FAM169A: variants seen among roughly 807,000 people sequenced by gnomAD.
The protein encoded by FAM169A is family with sequence similarity 169 member A.
In FAM169A, 24 loss-of-function variants were observed where a neutral mutation model predicts 75.7. That is an observed-to-expected ratio of 0.32 (90% confidence interval 0.23 to 0.45). The LOEUF (loss-of-function observed/expected upper bound fraction) is 0.45, where lower values mean the gene tolerates loss of function less well. Among genes scored for constraint, FAM169A ranks in the 20% least tolerant of loss-of-function variants. The pLI, the probability that FAM169A is intolerant of heterozygous loss-of-function variation, is 1.00. For synonymous variants in FAM169A, 271 were observed against 271.0 expected (o/e 1.00, Z 0.00); for missense variants, 673 against 784.0 (o/e 0.86, Z 1.69).
rs1046445541 is a variant in FAM169A at position 74,836,435 on chromosome 5, A to G, written c.319-1838T>C. On this transcript the variant is annotated intron_variant, in intron 4 of 12. Transcript: ENST00000687041. ...GACAAAATGAAGGACACAATGGACAAAGTCTTGCAGCATACTACTGAGGAC... is the reference window on the plus strand; with the variant it reads ...GACAAAATGAAGGACACAATGGACAGAGTCTTGCAGCATACTACTGAGGAC... Among the ~76,000 whole-genome samples, 3 of 152,312 alleles carry G rather than the reference A, an allele frequency of 2.0e-5. No homozygotes were observed. In the South Asian group the frequency reaches 6.2e-4, roughly 32 times the overall value.
intron 1 of FAM169A, among the ~76,000 whole-genome samples, chr5:74,855,429 C>T (rs934720664): frequency 1.3e-5 from 2 of 152,140 alleles, no homozygotes; most frequent in African/African-American, 4.8e-5. Flanking sequence ...AATTCCTGAG[C>T]TCGAGCAATC....
chr5:74,834,095 G>A (rs1375526271), intron 5 of FAM169A, among the ~76,000 whole-genome samples: 1 of 152,138 alleles, frequency 6.6e-6, no homozygotes, highest in Admixed American at 6.6e-5. Context: ...AACAGTAACA[G>A]CAACAGGAAT....
chr5:74,813,978 G>A lies in FAM169A; in HGVS notation c.532C>T (p.Pro178Ser). The change falls in exon 6 of 13, where the codon CCA becomes TCA. Residue 178 changes from proline to serine, a missense_variant. By Grantham distance (74) the Pro-to-Ser change is moderately conservative. Around this residue, in one of 3 missense-constraint regions of FAM169A, gnomAD observed 107 missense variants for 180.8 expected, o/e 0.59. Transcript: ENST00000687041. ...CTTAGAAACATTGTATCAAGAACTG[G>A]CAATTGGTAACTTTGGGTAAGAAAA... ...ASFLTQSYQLPVLDTMFLRKK... is the reference protein window; with the variant it reads ...ASFLTQSYQLSVLDTMFLRKK... The A allele has an allele frequency of 6.3e-7, 1 of 1,597,144 alleles. No homozygotes were observed. Among genetic ancestry groups the A allele is most frequent in the Non-Finnish European group, 8.5e-7 (1 of 1,174,990 alleles).
intron 1 of FAM169A, among the ~76,000 whole-genome samples, chr5:74,857,565 G>T (rs1312010303): frequency 2.2e-5 from 2 of 91,640 alleles, no homozygotes; most frequent in African/African-American, 9.5e-5. Flanking sequence ...GCCAGACCTT[G>T]CCGCGGGAAA....
intron 7 of FAM169A, 83 bp downstream of exon 7, chr5:74,805,073 T>C: frequency 8.2e-7 from 1 of 1,223,462 alleles, no homozygotes; most frequent in Non-Finnish European, 1.2e-6. Flanking sequence ...CCTCTGCTTT[T>C]TAAACTGGAC....
intron 1 of FAM169A, among the ~76,000 whole-genome samples, chr5:74,864,336 T>C (rs1750196858): frequency 6.6e-6 from 1 of 152,210 alleles, no homozygotes; most frequent in African/African-American, 2.4e-5. Context: ...GTTCAAGTGA[T>C]TCTTGTGCCT....
chr5:74,851,277 A>G (rs976037882), intron 1 of FAM169A, among the ~76,000 whole-genome samples: 12 of 152,186 alleles, frequency 7.9e-5, no homozygotes, highest in Non-Finnish European at 1.5e-4. Flanking sequence ...TCTCTTGGAT[A>G]CGGCCTATCT....
intron 6 of FAM169A, among the ~76,000 whole-genome samples, chr5:74,807,332 A>AC (rs1397797366): frequency 1.3e-5 from 2 of 152,212 alleles, no homozygotes; most frequent in Non-Finnish European, 2.9e-5. Flanking sequence ...TGAATATTTC[A>AC]CATACTTTAT....
rs771844817 is a variant in FAM169A, at chr5:74,783,146, GGA to G, written c.1261-14_1261-13del. The G allele has an allele frequency of 1.6e-5, 25 of 1,584,854 alleles. No homozygotes were observed. Among genetic ancestry groups the G allele is most frequent in the Admixed American group, 5.2e-5 (3 of 57,194 alleles). On this transcript the variant is annotated splice_polypyrimidine_tract_variant and intron_variant, in intron 11 of 12. Transcript: ENST00000687041. ...TCTAATTCAGATTCCTACACCATGA[GGA>G]GAGAGGGAAAAAGTAAGGACATGAT... is the stretch of plus-strand genomic sequence containing the variant.
At chr5:74,865,043 CCCTCCAGGGCCCAAATG>C (rs1750242950) in intron 1 of FAM169A, among the ~76,000 whole-genome samples, 1 of 152,186 alleles carries the variant, frequency 6.6e-6, no homozygotes, top group Admixed American at 6.5e-5. Context: ...TCGGTGAATT[CCCTCCAGGGCCCAAATG>C]TGTGCATTAT....
intron 5 of FAM169A, among the ~76,000 whole-genome samples, chr5:74,818,803 C>CTCTCTCTCTCTCTATA: frequency 8.2e-6 from 1 of 121,658 alleles, no homozygotes; most frequent in South Asian, 2.7e-4. Context: ...CTCTCTCTCT[C>CTCTCTCTCTCTCTATA]TATATATATA....
chr5:74,840,600 C>T lies in FAM169A; in HGVS notation c.133-427G>A, dbSNP rs377457168. Among the ~76,000 whole-genome samples, 67 of 150,672 alleles carry T rather than the reference C, an allele frequency of 4.4e-4. 1 individual carries two copies. Among genetic ancestry groups the T allele is most frequent in the East Asian group, 2.5e-3 (13 of 5,118 alleles). Reference sequence around the variant, plus strand: ...TCCCAGCACTCTGGGGAGGCCAAGGCGGGCGGATCACAAGGTCAGGAGATC... The same window carrying T: ...TCCCAGCACTCTGGGGAGGCCAAGGTGGGCGGATCACAAGGTCAGGAGATC... On this transcript the variant is annotated intron_variant, in intron 2 of 12. Coordinates refer to ENST00000687041, the MANE Select transcript of FAM169A (RefSeq NM_001376049.1).
At chr5:74,850,101 G>T (rs145984168) in intron 1 of FAM169A, among the ~76,000 whole-genome samples, 1 of 152,170 alleles carries the variant, frequency 6.6e-6, no homozygotes, top group African/African-American at 2.4e-5. Context: ...AACACTTCAC[G>T]TGTATCACCT....
intron 6 of FAM169A, among the ~76,000 whole-genome samples, chr5:74,806,241 A>G (rs1746876749): frequency 6.6e-6 from 1 of 152,210 alleles, no homozygotes; most frequent in East Asian, 1.9e-4. Flanking sequence ...AAACTCCACT[A>G]GGAAAGAACC....
rs770502833 is a variant in FAM169A at position 74,840,118 on chromosome 5, G to A, written c.188C>T (p.Thr63Ile). Residue 63 changes from threonine (T) to isoleucine (I), a missense_variant, in exon 3 of 13, where the codon ACC becomes ATC. By Grantham distance (89) the Thr-to-Ile change is moderately conservative (BLOSUM62 -1). Around this residue, in one of 3 missense-constraint regions of FAM169A, gnomAD observed 107 missense variants for 180.8 expected, o/e 0.59. Coordinates refer to ENST00000687041, the MANE Select transcript of FAM169A (RefSeq NM_001376049.1). The stretch of plus-strand genomic sequence containing the variant: ...TGCAAAGAGAGCAAGAATTTTCTGG[G>A]TCTGATCTCCACCATAAAGAGGTAC... The part of the protein sequence containing the change: ...GFVPLYGGDQ[T>I]QKILALFAPE... 83 of 1,601,366 alleles carry A rather than the reference G, an allele frequency of 5.2e-5. No individual in the cohort carries two copies. Among genetic ancestry groups the A allele is most frequent in the Non-Finnish European group, 7.0e-5 (82 of 1,173,984 alleles).
chr5:74,833,771 A>G (rs1326976264), intron 5 of FAM169A, among the ~76,000 whole-genome samples: 2 of 152,190 alleles, frequency 1.3e-5, no homozygotes, highest in Non-Finnish European at 2.9e-5. Flanking sequence ...GTATGTGTAC[A>G]CAGAGTAAGT....
chr5:74,855,611 G>C (rs931295558), intron 1 of FAM169A, among the ~76,000 whole-genome samples: 49 of 152,182 alleles, frequency 3.2e-4, no homozygotes, highest in African/African-American at 1.1e-3. Context: ...CAGATCTTTG[G>C]CTCATTTTTT....
At chr5:74,822,914 G>A (rs1052649161) in intron 5 of FAM169A, among the ~76,000 whole-genome samples, 15 of 151,746 alleles carry the variant, frequency 9.9e-5, no homozygotes, top group Admixed American at 2.6e-4. Flanking sequence ...TCCACTCCCC[G>A]CCTACACACT....
Position 74,805,256 on chromosome 5 carries a change from T to C in FAM169A, c.699A>G (p.Pro233=), listed in dbSNP as rs1388060993. The change falls in exon 7 of 13, where the codon CCA becomes CCG. Residue 233 remains proline (P), a synonymous_variant. Coordinates refer to ENST00000687041, the MANE Select transcript of FAM169A (RefSeq NM_001376049.1). The part of the protein sequence containing the change: ...TACKQYFEKY[P]GDHELLWEVE... ...CTTCCCAAAGGAGTTCATGGTCTCC[T>C]GGATACTTCTCAAAGTATTGCTTGC... 2 of 1,613,660 alleles carry C rather than the reference T, an allele frequency of 1.2e-6. No homozygotes were observed. The highest frequency in any genetic ancestry group is 1.1e-5 in the South Asian group (1 of 91,022).
Sources: gnomAD v4.1 joint callset for allele counts (sites outside exome capture counted in the v4.1 genomes callset) on GRCh38, gnomAD v4.1.1 for gene constraint, gnomAD v4.1.1 regional missense constraint, MANE v1.5 for transcripts, NCBI Gene and HGNC (gene_info 2026-07-23, HGNC 2026-07-21) for gene names.